GALNT1: variants seen among roughly 807,000 people sequenced by gnomAD.
GALNT1 encodes the protein polypeptide N-acetylgalactosaminyltransferase 1.
A neutral mutation model predicts 65.7 loss-of-function variants in GALNT1; 17 were observed. The ratio of observed to expected loss-of-function variants is 0.26; its 90% CI spans 0.18 to 0.39. The LOEUF (loss-of-function observed/expected upper bound fraction) is 0.39, where lower values mean the gene tolerates loss of function less well. Ranked by LOEUF, GALNT1 falls within the 10% of genes least tolerant of loss-of-function variation. The pLI is 1.00. For synonymous variants in GALNT1, 210 were observed against 219.7 expected, an observed-to-expected ratio of 0.96 and a Z score of 0.39; for missense variants, 460 against 672.8, an observed-to-expected ratio of 0.68 and a Z score of 3.50.
chr18:35,703,749 C>G, intron 11 of GALNT1, 106 bp downstream of exon 11: 1 of 1,113,630 alleles, frequency 9.0e-7, no homozygotes, highest in Non-Finnish European at 1.3e-6. Context: ...GAATATGGAT[C>G]AAACTTGTCT....
intron 2 of GALNT1, among the ~76,000 whole-genome samples, chr18:35,657,259 T>C (rs1047101331): frequency 6.6e-6 from 1 of 151,924 alleles, no homozygotes; most frequent in Non-Finnish European, 1.5e-5. Context: ...CCACACCCAG[T>C]TAATTTTTGT....
chr18:35,688,611 A>T (rs1306207601), intron 6 of GALNT1, among the ~76,000 whole-genome samples: 1 of 152,160 alleles, frequency 6.6e-6, no homozygotes, highest in Non-Finnish European at 1.5e-5. Context: ...TATTGATTTT[A>T]TTCTATATTT....
chr18:35,698,097 C>T (rs570827465), intron 9 of GALNT1, among the ~76,000 whole-genome samples: 1 of 152,314 alleles, frequency 6.6e-6, no homozygotes, highest in South Asian at 2.1e-4. Flanking sequence ...CAAGTAGCTC[C>T]TCACAAATGG....
chr18:35,673,827 CAT>C (rs977403704), intron 3 of GALNT1, among the ~76,000 whole-genome samples: 15 of 152,290 alleles, frequency 9.8e-5, no homozygotes, highest in South Asian at 6.2e-4. Context: ...TAGGTACAGT[CAT>C]GTGTTATTTA....
intron 1 of GALNT1, among the ~76,000 whole-genome samples, chr18:35,631,564 A>G (rs575493398): frequency 3.8e-4 from 58 of 152,310 alleles, no homozygotes; most frequent in African/African-American, 1.4e-3. Context: ...TCTCAAAATA[A>G]TAAGAGCTAT....
chr18:35,698,104 A>G (rs181626358), intron 9 of GALNT1, among the ~76,000 whole-genome samples: 1 of 152,346 alleles, frequency 6.6e-6, no homozygotes, highest in East Asian at 1.9e-4. Context: ...CTCCTCACAA[A>G]TGGTGGAAGA....
At chr18:35,593,870 G>A (rs891586870) in intron 1 of GALNT1, among the ~76,000 whole-genome samples, 1 of 151,876 alleles carries the variant, frequency 6.6e-6, no homozygotes, top group Non-Finnish European at 1.5e-5. Flanking sequence ...CATCACACCT[G>A]GCTAAGTTTT....
At chr18:35,661,054 A>T (rs1227562046) in intron 2 of GALNT1, among the ~76,000 whole-genome samples, 1 of 152,256 alleles carries the variant, frequency 6.6e-6, no homozygotes, top group East Asian at 1.9e-4. Flanking sequence ...TTAAGATCTC[A>T]AAACCAACTT....
intron 2 of GALNT1, among the ~76,000 whole-genome samples, chr18:35,657,694 G>C (rs1439731219): frequency 6.6e-6 from 1 of 152,186 alleles, no homozygotes; most frequent in Non-Finnish European, 1.5e-5. Context: ...GTTTCTGATA[G>C]TTTGGTATGG....
In GALNT1 at chr18:35,615,392, G is replaced by T. The variant is rs182132361; in HGVS notation, c.-104+33530G>T. Among the ~76,000 whole-genome samples, 970 of 142,568 alleles carry T rather than the reference G, an allele frequency of 6.8e-3. 18 individuals carry two copies. Among genetic ancestry groups the T allele is most frequent in the African/African-American group, 0.025 (920 of 36,458 alleles). 93.5% of individuals were successfully genotyped at this position (142,568 alleles called of 152,430 possible). On this transcript the variant is annotated intron_variant, in intron 1 of 11. Transcript: ENST00000269195. ...ATTCTTAGCCACATTTTAAAAAATGGTTTTTACTAACACTGTATTAAAAAA... is the reference window on the plus strand; with the variant it reads ...ATTCTTAGCCACATTTTAAAAAATGTTTTTTACTAACACTGTATTAAAAAA...
Position 35,654,668 on chromosome 18 carries a change from A to G in GALNT1, c.6A>G (p.Arg2=). The change falls in exon 2 of 12, where the codon AGA becomes AGG. Residue 2 remains arginine (R), a synonymous_variant. Transcript: ENST00000269195. ...TGCATTTGACTTAAAGTGCCATGAG[A>G]AAATTTGCATACTGCAAGGTGGTCC... M[R]KFAYCKVVLA... is the part of the protein sequence containing the mutation. 1 of 1,412,016 alleles carries G rather than the reference A, an allele frequency of 7.1e-7. No individual in the cohort carries two copies. The highest frequency in any genetic ancestry group is 2.0e-5 in the South Asian group (1 of 51,096). The allele number at this position is 1,412,016 out of a possible 1,614,324, so 87.5% of individuals were successfully genotyped here. A position where few individuals can be genotyped will look rare whatever the true frequency, so the allele number is the denominator to read the frequency against.
At chr18:35,609,963 TGAATG>T (rs980378660) in intron 1 of GALNT1, among the ~76,000 whole-genome samples, 176 of 152,344 alleles carry the variant, frequency 1.2e-3, no homozygotes, top group African/African-American at 3.8e-3. Context: ...TTTTTTGAGA[TGAATG>T]GAACACAGAT....
At chr18:35,605,704 CAT>C (rs1402726679) in intron 1 of GALNT1, among the ~76,000 whole-genome samples, 3 of 151,936 alleles carry the variant, frequency 2.0e-5, no homozygotes, top group Admixed American at 2.0e-4. Flanking sequence ...AATGAACCCT[CAT>C]ATACTCATCA....
intron 1 of GALNT1, among the ~76,000 whole-genome samples, chr18:35,585,139 C>T (rs1269203329): frequency 6.6e-6 from 1 of 152,150 alleles, no homozygotes; most frequent in Non-Finnish European, 1.5e-5. Flanking sequence ...GGGTATGTAA[C>T]ATTTAAACTC....
At chr18:35,618,877 C>T (rs2046817412) in intron 1 of GALNT1, among the ~76,000 whole-genome samples, 1 of 152,118 alleles carries the variant, frequency 6.6e-6, no homozygotes, top group African/African-American at 2.4e-5. Context: ...CAGCCTGAGA[C>T]TACAGGGCAG....
At position 35,692,327 on chromosome 18, in the gene GALNT1, A is replaced by G. The variant is rs200609672; in HGVS notation, c.1299+7A>G. On this transcript the variant is annotated splice_region_variant and intron_variant, in intron 9 of 11. Transcript: ENST00000269195. ...CTATTTCTCATTGGGAGAGGTAAGA[A>G]ATATATATATATATATTCTATGTGG... 430 of 1,455,892 alleles carry G rather than the reference A, an allele frequency of 3.0e-4. 1 individual carries two copies. The highest frequency in any genetic ancestry group is 3.4e-4 in the Non-Finnish European group (365 of 1,064,048). 90.2% of individuals were successfully genotyped at this position (1,455,892 alleles called of 1,614,324 possible).
chr18:35,656,946 C>G (rs994375175), intron 2 of GALNT1, among the ~76,000 whole-genome samples: 1 of 151,988 alleles, frequency 6.6e-6, no homozygotes, highest in African/African-American at 2.4e-5. Flanking sequence ...GGGGGGCCAT[C>G]GAATGTAGGG....
At chr18:35,683,848 T>A (rs1379819420) in intron 5 of GALNT1, among the ~76,000 whole-genome samples, 1 of 152,220 alleles carries the variant, frequency 6.6e-6, no homozygotes, top group Non-Finnish European at 1.5e-5. Flanking sequence ...GTATACTATA[T>A]GCTGTGTTCA....
intron 1 of GALNT1, among the ~76,000 whole-genome samples, chr18:35,583,843 G>C (rs1568010327): frequency 6.6e-6 from 1 of 152,184 alleles, no homozygotes; most frequent in Non-Finnish European, 1.5e-5. Flanking sequence ...GGACGCTCCA[G>C]CTACTCTGAC....
Sources: gnomAD v4.1 joint callset for allele counts (sites outside exome capture counted in the v4.1 genomes callset) on GRCh38, gnomAD v4.1.1 for gene constraint, MANE v1.5 for transcripts, NCBI Gene and HGNC (gene_info 2026-07-23, HGNC 2026-07-21) for gene names.